Variants in MAZ observed in about 807,000 individuals in gnomAD.
MAZ encodes the protein MYC associated zinc finger protein.
In MAZ, 4 loss-of-function variants were observed where a neutral mutation model predicts 32.7. The observed-to-expected ratio is 0.12, with a 90% CI of 0.06 to 0.28. MAZ has a LOEUF of 0.28. Ranked by LOEUF, MAZ falls within the 10% of genes least tolerant of loss-of-function variation. The probability of loss-of-function intolerance (pLI) is 1.00; values close to 1 mark genes in which losing one functional copy is unlikely to be tolerated. For synonymous variants in MAZ, 510 were observed against 297.6 expected (o/e 1.71, Z -7.35); for missense variants, 763 against 667.2 (o/e 1.14, Z -1.58).
intron 4 of MAZ, chr16:29,809,610 C>G: frequency 6.2e-7 from 1 of 1,612,066 alleles, no homozygotes; most frequent in Non-Finnish European, 8.5e-7. Context: ...CGCGGGCTGA[C>G]CGCATCCTGT....
chr16:29,806,257 C>T (rs113260235), upstream of MAZ: 5 of 217,490 alleles, frequency 2.3e-5, no homozygotes, highest in East Asian at 7.2e-5. Context: ...TCCCACCCCC[C>T]CTCCGCGCGC....
Position 29,806,683 on chromosome 16 carries a change from C to A in MAZ, c.-19C>A, listed in dbSNP as rs769291971. On this transcript the variant is annotated 5_prime_UTR_variant, in exon 1 of 5. Coordinates refer to ENST00000322945, the MANE Select transcript of MAZ (RefSeq NM_002383.4). ...CCCGGCCCCCGCTGAGCCCCGGGGG[C>A]CCCGCTGCGGCCGAGGCCATGTTCC... The A allele has an allele frequency of 2.7e-5, 31 of 1,130,994 alleles. No homozygotes were observed. The highest frequency in any genetic ancestry group is 2.7e-4 in the Admixed American group (6 of 22,134). The allele number at this position is 1,130,994 out of a possible 1,614,324, so 70.1% of individuals were successfully genotyped here. A position where few individuals can be genotyped will look rare whatever the true frequency, so the allele number is the denominator to read the frequency against.
rs752936281 is a variant in MAZ, at chr16:29,806,822, C to T, written c.121C>T (p.Pro41Ser). Reference sequence around the variant, plus strand: ...GCCACCTCAGGGTCACGCCCAGAACCCCCTGCAGGTCGGGGCTGAGCTCCA... The same window carrying T: ...GCCACCTCAGGGTCACGCCCAGAACTCCCTGCAGGTCGGGGCTGAGCTCCA... The part of the protein sequence containing the change: ...FPPPQGHAQN[P>S]LQVGAELQSR... The change falls in exon 1 of 5, where the codon CCC becomes TCC. Residue 41 changes from proline (P) to serine (S), a missense_variant. Transcript: ENST00000322945. 60 of 1,448,084 alleles carry T rather than the reference C, an allele frequency of 4.1e-5. 1 individual carries two copies. The highest frequency in any genetic ancestry group is 6.1e-5 in the African/African-American group (4 of 65,828). 89.7% of individuals were successfully genotyped at this position (1,448,084 alleles called of 1,614,324 possible).
intron 4 of MAZ, chr16:29,809,129 G>A (rs980490484): frequency 7.9e-6 from 4 of 503,280 alleles, no homozygotes; most frequent in East Asian, 3.4e-5. Flanking sequence ...TTACCAGCAC[G>A]CACCCTGCAC....
At chr16:29,810,045 G>C in intron 4 of MAZ, 32 bp from the exon 5 acceptor site, 1 of 1,587,198 alleles carries the variant, frequency 6.3e-7, no homozygotes, top group Middle Eastern at 2.1e-4. Flanking sequence ...CATTCAGATC[G>C]CGCTGTGATC....
In MAZ at chr16:29,807,371, G is replaced by C; in HGVS notation, c.586G>C (p.Ala196Pro). ...GGGGCCCTACATCTGCGCTCTGTGCGCCAAGGAGTTCAAGAACGGCTACAA... is the reference window on the plus strand; with the variant it reads ...GGGGCCCTACATCTGCGCTCTGTGCCCCAAGGAGTTCAAGAACGGCTACAA... ...SKGPYICALC[A>P]KEFKNGYNLR... The change falls in exon 2 of 5, where the codon GCC becomes CCC. Residue 196 changes from alanine to proline, a missense_variant. Transcript: ENST00000322945. The C allele has an allele frequency of 1.2e-6, 2 of 1,612,408 alleles. No individual in the cohort carries two copies. Among genetic ancestry groups the C allele is most frequent in the Non-Finnish European group, 1.7e-6 (2 of 1,179,734 alleles).
At position 29,806,620 on chromosome 16, in the gene MAZ, G is replaced by A; in HGVS notation, c.-82G>A. The A allele has an allele frequency of 1.0e-6, 1 of 965,834 alleles. No homozygotes were observed. Among genetic ancestry groups the A allele is most frequent in the Non-Finnish European group, 1.2e-6 (1 of 817,874 alleles). 59.8% of individuals were successfully genotyped at this position (965,834 alleles called of 1,614,324 possible). On this transcript the variant is annotated 5_prime_UTR_variant, in exon 1 of 5. Coordinates refer to ENST00000322945, the MANE Select transcript of MAZ (RefSeq NM_002383.4). ...GCGCGGCCCAGCCCGGCCGGCCGGG[G>A]GCGGCGCCCCGAGCCCGGGCCCCGC...
chr16:29,807,983 A>G, intron 2 of MAZ, 155 bp downstream of exon 2: 3 of 1,354,030 alleles, frequency 2.2e-6, no homozygotes, highest in Non-Finnish European at 3.0e-6. Flanking sequence ...CCCGGTTACC[A>G]GGGAGCAAGG....
intron 4 of MAZ, chr16:29,809,581 G>C: frequency 6.2e-7 from 1 of 1,612,604 alleles, no homozygotes; most frequent in Non-Finnish European, 8.5e-7. Context: ...CGCGGTGAAG[G>C]ACCACGGGCT....
Position 29,810,752 on chromosome 16 carries a change from G to C in MAZ, c.*521G>C, listed in dbSNP as rs1195957359. On this transcript the variant is annotated 3_prime_UTR_variant, in exon 5 of 5. Transcript: ENST00000322945. ...GGAAAGCGGTGAGGTTTGAGGAGGGGCAGAAGCAGGGCCGGCAAAGGTTGT... is the reference window on the plus strand; with the variant it reads ...GGAAAGCGGTGAGGTTTGAGGAGGGCCAGAAGCAGGGCCGGCAAAGGTTGT... The C allele has an allele frequency of 2.6e-6, 1 of 381,564 alleles. No individual in the cohort carries two copies. Among genetic ancestry groups the C allele is most frequent in the Non-Finnish European group, 5.0e-6 (1 of 201,878 alleles). The allele number at this position is 381,564 out of a possible 1,614,324, so 23.6% of individuals were successfully genotyped here.
At chr16:29,808,815 G>A (rs761891830) in intron 4 of MAZ, 74 bp downstream of exon 4, 19 of 1,479,200 alleles carry the variant, frequency 1.3e-5, no homozygotes, top group Admixed American at 2.1e-5. Flanking sequence ...CCACGGATAC[G>A]GGTTAAGGGT....
intron 2 of MAZ, 138 bp downstream of exon 2, chr16:29,807,966 A>G (rs748363501): frequency 5.6e-6 from 8 of 1,436,840 alleles, no homozygotes; most frequent in Non-Finnish European, 5.6e-6. Context: ...GGAGGGAGGA[A>G]GCCTCTCCCG....
rs550888984 is a variant in MAZ at position 29,810,583 on chromosome 16, C to A, written c.*352C>A. The A allele has an allele frequency of 5.8e-6, 4 of 692,918 alleles. No homozygotes were observed. Among genetic ancestry groups the A allele is most frequent in the Non-Finnish European group, 1.1e-5 (4 of 379,038 alleles). The allele number at this position is 692,918 out of a possible 1,614,324, so 42.9% of individuals were successfully genotyped here. On this transcript the variant is annotated 3_prime_UTR_variant, in exon 5 of 5. Coordinates refer to ENST00000322945, the MANE Select transcript of MAZ (RefSeq NM_002383.4). Reference sequence around the variant, plus strand: ...CCAGGGACTTGTGAGCCTCTTCCCTCGACGGTCCTCTTCTCTCCTTCCAGT... The same window carrying A: ...CCAGGGACTTGTGAGCCTCTTCCCTAGACGGTCCTCTTCTCTCCTTCCAGT...
Position 29,807,539 on chromosome 16 carries a change from G to A in MAZ, c.754G>A (p.Gly252Ser), listed in dbSNP as rs1223638319. 13 of 1,602,172 alleles carry A rather than the reference G, an allele frequency of 8.1e-6. No individual in the cohort carries two copies. In the East Asian group the frequency reaches 2.9e-4, roughly 36 times the overall value. ...SGAGGGGGEAGAGGGAAAVAA... is the reference protein window; with the variant it reads ...SGAGGGGGEASAGGGAAAVAA... ...AGCCGGCGGGGGAGGGGGAGAGGCGGGTGCCGGCGGCGGCGCTGCCGCAGT... is the reference window on the plus strand; with the variant it reads ...AGCCGGCGGGGGAGGGGGAGAGGCGAGTGCCGGCGGCGGCGCTGCCGCAGT... The change falls in exon 2 of 5, where the codon GGT (glycine) becomes AGT (serine). Residue 252 changes from glycine to serine, a missense_variant. Gly to Ser is a moderately conservative substitution (Grantham distance 56). Transcript: ENST00000322945.
chr16:29,810,351 G>T lies in MAZ; in HGVS notation c.*120G>T, dbSNP rs776242295. The T allele has an allele frequency of 4.9e-6, 5 of 1,030,732 alleles. No homozygotes were observed. The allele number at this position is 1,030,732 out of a possible 1,614,324, so 63.8% of individuals were successfully genotyped here. On this transcript the variant is annotated 3_prime_UTR_variant, in exon 5 of 5. Transcript: ENST00000322945. ...CTACCAACCAAGGAGCCTCCAGAAG[G>T]AAAGGAGGAAGAAATGTTTTCTTAG... is the stretch of plus-strand genomic sequence containing the variant.
intron 4 of MAZ, 137 bp from the exon 5 acceptor site, chr16:29,809,940 G>T: frequency 1.4e-6 from 2 of 1,409,802 alleles, no homozygotes; most frequent in Non-Finnish European, 9.6e-7. Context: ...TGAGGATGCA[G>T]GCTGAGGCCT....
chr16:29,808,981 CG>C, intron 4 of MAZ: 1 of 558,434 alleles, frequency 1.8e-6, no homozygotes, highest in South Asian at 2.4e-5. Context: ...GTGGGGAAAG[CG>C]GGAGTGGAAC....
chr16:29,806,942 C>T (rs1899511174), intron 1 of MAZ, 36 bp from the exon 2 acceptor site: 8 of 1,163,498 alleles, frequency 6.9e-6, no homozygotes, highest in South Asian at 4.7e-5. Context: ...GACGCCCGCC[C>T]GCACCCGCGG....
intron 4 of MAZ, 79 bp downstream of exon 4, chr16:29,808,820 A>C: frequency 6.8e-7 from 1 of 1,460,936 alleles, no homozygotes; most frequent in Non-Finnish European, 9.3e-7. Context: ...GATACGGGTT[A>C]AGGGTGCTGT....
Sources: allele counts gnomAD v4.1 joint callset, GRCh38; gene constraint gnomAD v4.1.1; transcripts MANE v1.5; gene names NCBI Gene and HGNC (gene_info 2026-07-23, HGNC 2026-07-21).